Variants in CTNNA3 observed in about 807,000 individuals in gnomAD.
The protein encoded by CTNNA3 is catenin alpha 3, also known as catenin alpha-3.
A neutral mutation model predicts 95.7 loss-of-function variants in CTNNA3; 76 were observed. The ratio of observed to expected loss-of-function variants is 0.79; its 90% CI spans 0.66 to 0.96. The LOEUF is 0.96. Ranked by LOEUF, CTNNA3 falls within the 40% of genes least tolerant of loss-of-function variation. The pLI is 0.00. For synonymous variants in CTNNA3, 431 were observed against 374.4 expected (o/e 1.15, Z -1.74); for missense variants, 1,191 against 1,089.8 (o/e 1.09, Z -1.31).
intron 1 of CTNNA3, among the ~76,000 whole-genome samples, chr10:67,755,745 T>G (rs985312216): frequency 1.4e-4 from 18 of 133,014 alleles, no homozygotes; most frequent in African/African-American, 5.2e-4. Flanking sequence ...GAGGTTGAAA[T>G]GAGCCGAGAT....
chr10:67,304,710 T>C (rs950991288), intron 5 of CTNNA3, among the ~76,000 whole-genome samples: 1 of 152,136 alleles, frequency 6.6e-6, no homozygotes, highest in Non-Finnish European at 1.5e-5. Context: ...GTTATGCTAG[T>C]TGCTATTGAC....
chr10:67,688,949 G>C (rs745515547), intron 1 of CTNNA3, among the ~76,000 whole-genome samples: 1 of 152,176 alleles, frequency 6.6e-6, no homozygotes, highest in East Asian at 1.9e-4. Flanking sequence ...GAGGACCGAG[G>C]AAGGTCAGAT....
At position 66,606,582 on chromosome 10, in the gene CTNNA3, G is replaced by A. The variant is rs532930985; in HGVS notation, c.1374+15110C>T. Among the ~76,000 whole-genome samples the A allele has an allele frequency of 9.9e-5, 15 of 151,982 alleles. No homozygotes were observed. In the South Asian group the frequency reaches 1.9e-3, roughly 19 times the overall value. On this transcript the variant is annotated intron_variant, in intron 10 of 17. Coordinates refer to ENST00000433211, the MANE Select transcript of CTNNA3 (RefSeq NM_013266.4). ...AACAATCACTCTCTCAAACTACATC[G>A]CAATCAAATTAGAAATCAAGCCTAA...
At chr10:67,478,016 T>C (rs532676312) in intron 5 of CTNNA3, among the ~76,000 whole-genome samples, 2 of 152,310 alleles carry the variant, frequency 1.3e-5, no homozygotes, top group African/African-American at 4.8e-5. Flanking sequence ...AATTGAAAAC[T>C]TGCTTAAGAA....
intron 5 of CTNNA3, among the ~76,000 whole-genome samples, chr10:67,520,341 A>G (rs1289074073): frequency 6.6e-6 from 1 of 152,134 alleles, no homozygotes; most frequent in Non-Finnish European, 1.5e-5. Context: ...CATTCTTCCA[A>G]ATTCACAATT....
intron 14 of CTNNA3, among the ~76,000 whole-genome samples, chr10:66,095,180 A>G (rs754251977): frequency 1.4e-4 from 22 of 152,260 alleles, no homozygotes; most frequent in South Asian, 4.1e-4. Context: ...GGATTATGTG[A>G]CAATGTCTAA....
At chr10:66,314,946 G>A (rs780804753) in intron 12 of CTNNA3, among the ~76,000 whole-genome samples, 1 of 152,028 alleles carries the variant, frequency 6.6e-6, no homozygotes, top group African/African-American at 2.4e-5. Context: ...GAAGGAAAGT[G>A]ACAGTTCTTA....
intron 1 of CTNNA3, among the ~76,000 whole-genome samples, chr10:67,725,180 T>C (rs1054933176): frequency 9.2e-6 from 1 of 108,774 alleles, no homozygotes; most frequent in Non-Finnish European, 1.8e-5. Context: ...TTAATTTACC[T>C]TTTTTTTTTT....
intron 3 of CTNNA3, among the ~76,000 whole-genome samples, chr10:67,552,223 T>C (rs1014177126): frequency 9.2e-5 from 14 of 152,216 alleles, no homozygotes; most frequent in African/African-American, 3.1e-4. Flanking sequence ...TACAGGTCCA[T>C]GCATATTTAA....
chr10:67,317,425 A>C (rs1487378949), intron 5 of CTNNA3, among the ~76,000 whole-genome samples: 7 of 69,882 alleles, frequency 1.0e-4, no homozygotes, highest in South Asian at 1.3e-3. Context: ...ATGTGTTCTC[A>C]TTGTTCTTTT....
intron 15 of CTNNA3, among the ~76,000 whole-genome samples, chr10:66,047,090 T>C (rs1027772039): frequency 1.3e-5 from 2 of 152,060 alleles, no homozygotes; most frequent in Admixed American, 1.3e-4. Context: ...AACTATTCTA[T>C]AAAATGGAGG....
At chr10:66,336,371 T>A (rs1226141697) in intron 12 of CTNNA3, among the ~76,000 whole-genome samples, 1 of 152,180 alleles carries the variant, frequency 6.6e-6, no homozygotes, top group African/African-American at 2.4e-5. Context: ...CCATCTTAGC[T>A]CCACCCCCAG....
At chr10:66,496,549 G>A (rs1214101271) in intron 11 of CTNNA3, among the ~76,000 whole-genome samples, 1 of 152,192 alleles carries the variant, frequency 6.6e-6, no homozygotes, top group African/African-American at 2.4e-5. Flanking sequence ...AATAAATTCA[G>A]GTTTGAAGGA....
chr10:67,166,861 C>A (rs1287655663), intron 7 of CTNNA3, among the ~76,000 whole-genome samples: 1 of 152,170 alleles, frequency 6.6e-6, no homozygotes, highest in Non-Finnish European at 1.5e-5. Context: ...AATCCCAGAA[C>A]TCTGGGAGGC....
chr10:66,322,389 C>T (rs2092201283), intron 12 of CTNNA3, among the ~76,000 whole-genome samples: 1 of 152,000 alleles, frequency 6.6e-6, no homozygotes, highest in African/African-American at 2.4e-5. Flanking sequence ...GAGGCACTTC[C>T]TAGATTTAGA....
intron 3 of CTNNA3, among the ~76,000 whole-genome samples, chr10:67,576,920 A>G: frequency 8.2e-6 from 1 of 121,606 alleles, no homozygotes; most frequent in Non-Finnish European, 1.5e-5. Context: ...TCCATGGTGT[A>G]TATGTGCCAC....
intron 7 of CTNNA3, among the ~76,000 whole-genome samples, chr10:67,092,893 A>G (rs918241185): frequency 6.6e-6 from 1 of 152,002 alleles, no homozygotes; most frequent in Non-Finnish European, 1.5e-5. Context: ...GGAATTTCCT[A>G]AATAATGGGT....
At chr10:67,635,923 G>A (rs1839296919) in intron 2 of CTNNA3, among the ~76,000 whole-genome samples, 1 of 152,118 alleles carries the variant, frequency 6.6e-6, no homozygotes, top group Admixed American at 6.6e-5. Context: ...AAAGCCCATT[G>A]TATCAGCCCA....
intron 7 of CTNNA3, among the ~76,000 whole-genome samples, chr10:66,919,134 TAA>T (rs5785804): frequency 1.0e-3 from 113 of 111,902 alleles, no homozygotes; most frequent in South Asian, 1.2e-3. Flanking sequence ...GACTCTGTCT[TAA>T]AAAAAAAAAA....
Sources: allele counts gnomAD v4.1 joint callset (sites outside exome capture counted in the v4.1 genomes callset), GRCh38; gene constraint gnomAD v4.1.1; transcripts MANE v1.5; gene names NCBI Gene and HGNC (gene_info 2026-07-23, HGNC 2026-07-21).